The following CRB1 variants were observed in gnomAD, a reference collection of about 807,000 sequenced individuals.
CRB1 encodes crumbs cell polarity complex component 1.
A neutral mutation model predicts 120.0 loss-of-function variants in CRB1; 83 were observed. The ratio of observed to expected loss-of-function variants is 0.69; its 90% CI spans 0.58 to 0.83. The LOEUF is 0.83. Ranked by LOEUF, CRB1 falls within the 40% of genes least tolerant of loss-of-function variation. CRB1 has a pLI of 0.00. For missense variants in CRB1, 1,699 were observed against 1,687.6 expected (o/e 1.01, Z -0.12); for synonymous variants, 625 against 612.5 (o/e 1.02, Z -0.30).
chr1:197,330,800 C>G (rs1048011060), intron 2 of CRB1, among the ~76,000 whole-genome samples: 1 of 152,074 alleles, frequency 6.6e-6, no homozygotes, highest in African/African-American at 2.4e-5. Context: ...GCACCCCCCC[C>G]CAAATGTTAG....
At chr1:197,246,744 G>T in the CRB1 span, among the ~76,000 whole-genome samples, 5 of 152,004 alleles carry the variant, frequency 3.3e-5, no homozygotes, top group African/African-American at 1.2e-4. Context: ...CATAAGTAAC[G>T]TTTTAATGCA....
chr1:197,332,095 G>T (rs2125309892), intron 2 of CRB1, among the ~76,000 whole-genome samples: 1 of 152,182 alleles, frequency 6.6e-6, no homozygotes, highest in Middle Eastern at 3.4e-3. Flanking sequence ...AGCTGAGATT[G>T]TGCCATTGCA....
At chr1:197,386,126 C>G (rs1422143849) in intron 5 of CRB1, among the ~76,000 whole-genome samples, 1 of 151,890 alleles carries the variant, frequency 6.6e-6, no homozygotes, top group East Asian at 1.9e-4. Context: ...AAAACACTAC[C>G]CCTGAAATCA....
chr1:197,206,748 T>C, the CRB1 span, among the ~76,000 whole-genome samples: 114 of 152,300 alleles, frequency 7.5e-4, 2 homozygotes, highest in East Asian at 0.022. Flanking sequence ...ATCTTTTAAG[T>C]CCATTTGTTC....
chr1:197,253,073 C>T, the CRB1 span, among the ~76,000 whole-genome samples: 1 of 152,036 alleles, frequency 6.6e-6, no homozygotes, highest in Non-Finnish European at 1.5e-5. Flanking sequence ...ACCATCATAA[C>T]TCCCCTCTTT....
intron 5 of CRB1, among the ~76,000 whole-genome samples, chr1:197,378,547 A>G (rs777045913): frequency 2.6e-5 from 4 of 152,124 alleles, no homozygotes; most frequent in Non-Finnish European, 5.9e-5. Flanking sequence ...AGGGAACTAG[A>G]CCTACTTTTG....
At chr1:197,266,639 AC>A (rs1275242108), upstream of CRB1, among the ~76,000 whole-genome samples, 2 of 152,146 alleles carry the variant, frequency 1.3e-5, no homozygotes, top group African/African-American at 2.4e-5. Flanking sequence ...ATATCCACTT[AC>A]TTTTTTATAT....
chr1:197,214,408 C>A, the CRB1 span, among the ~76,000 whole-genome samples: 1 of 152,018 alleles, frequency 6.6e-6, no homozygotes, highest in African/African-American at 2.4e-5. Flanking sequence ...GCAAAACCTT[C>A]TTATATGAAG....
At chr1:197,458,633 A>T (rs1666390141) in intron 11 of CRB1, among the ~76,000 whole-genome samples, 1 of 152,112 alleles carries the variant, frequency 6.6e-6, no homozygotes, top group Non-Finnish European at 1.5e-5. Flanking sequence ...TGCCTTCCAC[A>T]TATTCTCTAC....
chr1:197,284,864 C>T (rs1161288829), intron 1 of CRB1, among the ~76,000 whole-genome samples: 1 of 151,918 alleles, frequency 6.6e-6, no homozygotes, highest in Non-Finnish European at 1.5e-5. Context: ...ATCTTTTCTT[C>T]ATTGATAATT....
intron 1 of CRB1, among the ~76,000 whole-genome samples, chr1:197,318,920 T>C (rs1019370469): frequency 3.9e-5 from 6 of 152,056 alleles, no homozygotes; most frequent in Non-Finnish European, 8.8e-5. Context: ...TGGTGTTCTG[T>C]TGAATAGCAG....
At chr1:197,280,766 T>A (rs1477340588) in intron 1 of CRB1, among the ~76,000 whole-genome samples, 2 of 151,934 alleles carry the variant, frequency 1.3e-5, no homozygotes, top group Non-Finnish European at 2.9e-5. Flanking sequence ...CTTTTTCTAG[T>A]AGATATTTCA....
intron 1 of CRB1, among the ~76,000 whole-genome samples, chr1:197,318,662 A>G (rs1657995403): frequency 6.6e-6 from 1 of 152,224 alleles, no homozygotes; most frequent in African/African-American, 2.4e-5. Context: ...TTATTCAGTC[A>G]TAAAACAATA....
At chr1:197,221,965 T>C in the CRB1 span, among the ~76,000 whole-genome samples, 6 of 152,228 alleles carry the variant, frequency 3.9e-5, no homozygotes, top group African/African-American at 1.4e-4. Context: ...ACCAAAATCT[T>C]TGCTCACAGG....
At chr1:197,213,663 T>C in the CRB1 span, among the ~76,000 whole-genome samples, 22 of 152,188 alleles carry the variant, frequency 1.4e-4, no homozygotes, top group African/African-American at 4.3e-4. Flanking sequence ...TTTGAAAAGA[T>C]TGATGTTATA....
intron 5 of CRB1, among the ~76,000 whole-genome samples, chr1:197,400,347 TGTCACCCAG>T (rs1662999263): frequency 6.6e-6 from 1 of 150,936 alleles, no homozygotes; most frequent in Non-Finnish European, 1.5e-5. Flanking sequence ...GGTCTTGCTC[TGTCACCCAG>T]GCTGGAGAGC....
chr1:197,331,330 C>A (rs1473235368), intron 2 of CRB1, among the ~76,000 whole-genome samples: 1 of 152,128 alleles, frequency 6.6e-6, no homozygotes, highest in Non-Finnish European at 1.5e-5. Flanking sequence ...TAAGAATTCA[C>A]TTTTTGTATT....
At chr1:197,293,896 T>C (rs1404613075) in intron 1 of CRB1, among the ~76,000 whole-genome samples, 2 of 152,128 alleles carry the variant, frequency 1.3e-5, no homozygotes, top group Non-Finnish European at 2.9e-5. Flanking sequence ...TCCTTACACC[T>C]TATACAAAAA....
chr1:197,375,329 T>C (rs944165029), intron 5 of CRB1, among the ~76,000 whole-genome samples: 1 of 152,154 alleles, frequency 6.6e-6, no homozygotes, highest in Non-Finnish European at 1.5e-5. Flanking sequence ...ATTTGCTAGA[T>C]GGATGGTGTA....
Sources: gnomAD v4.1 joint callset for allele counts (sites outside exome capture counted in the v4.1 genomes callset) on GRCh38, gnomAD v4.1.1 for gene constraint, MANE v1.5 for transcripts, NCBI Gene and HGNC (gene_info 2026-07-23, HGNC 2026-07-21) for gene names.